NLN: variants seen among roughly 807,000 people sequenced by gnomAD.
NLN encodes the protein neurolysin, mitochondrial.
In NLN, 64 loss-of-function variants were observed where a neutral mutation model predicts 79.9. The ratio of observed to expected loss-of-function variants is 0.80; its 90% confidence interval spans 0.65 to 0.99. NLN has a LOEUF of 0.99. NLN is among the 50% of genes least tolerant of loss of function. The probability of loss-of-function intolerance (pLI) is 0.00; values close to 1 mark genes in which losing one functional copy is unlikely to be tolerated. For synonymous variants in NLN, 267 were observed against 296.6 expected (o/e 0.90, Z 1.02); for missense variants, 835 against 858.7 (o/e 0.97, Z 0.34).
At chr5:65,781,063 C>T (rs1017442438) in intron 5 of NLN, among the ~76,000 whole-genome samples, 198 bp from the exon 6 acceptor site, 2 of 152,126 alleles carry the variant, frequency 1.3e-5, no homozygotes, top group East Asian at 1.9e-4. Context: ...TTTGAATTGC[C>T]GTCTCCCAAG....
rs1759763557 is a variant in NLN at position 65,780,039 on chromosome 5, T to C, written c.559-140T>C. 6 of 528,238 alleles carry C rather than the reference T, an allele frequency of 1.1e-5. No homozygotes were observed. In the Admixed American group the frequency reaches 2.5e-4, roughly 22 times the overall value. 32.7% of individuals were successfully genotyped at this position (528,238 alleles called of 1,614,324 possible). ...CTGGCTTTCACCATGTTAGCCAGGC[T>C]GGTCTTGGACTCTTGACCTCAAATG... is the stretch of plus-strand genomic sequence containing the variant. On this transcript the variant is annotated intron_variant, in intron 4 of 12. Transcript: ENST00000380985.
rs181705086 is a variant in NLN at position 65,733,131 on chromosome 5, T to A, written c.41+10717T>A. On this transcript the variant is annotated intron_variant, in intron 1 of 12. Coordinates refer to ENST00000380985, the MANE Select transcript of NLN (RefSeq NM_020726.5). ...GAACCTCTTGGGGGCCTTTATATTC[T>A]GTCATGCTTACCTAGCTGATCGGGA... The A allele has an allele frequency of 2.1e-3, 2,995 of 1,448,788 alleles. 103 individuals carry two copies. The African/African-American group carries it at 0.045, about 22-fold the overall frequency. The allele number at this position is 1,448,788 out of a possible 1,614,324, so 89.7% of individuals were successfully genotyped here.
chr5:65,762,718 T>C (rs1474238171), intron 2 of NLN, among the ~76,000 whole-genome samples: 2 of 151,538 alleles, frequency 1.3e-5, no homozygotes, highest in Non-Finnish European at 2.9e-5. Flanking sequence ...AAAAAAAAAT[T>C]GTACCCCAGT....
intron 3 of NLN, among the ~76,000 whole-genome samples, chr5:65,776,035 T>C (rs1348808543): frequency 6.6e-6 from 1 of 152,190 alleles, no homozygotes; most frequent in East Asian, 1.9e-4. Flanking sequence ...GGTGGATCAC[T>C]TGAGGCCAGG....
rs377525738 is a variant in NLN at position 65,788,106 on chromosome 5, T to A, written c.959-12T>A. On this transcript the variant is annotated splice_polypyrimidine_tract_variant and intron_variant, in intron 7 of 12. Coordinates refer to ENST00000380985, the MANE Select transcript of NLN (RefSeq NM_020726.5). ...AAGCAAGTAGATCACTAACTTTTCC[T>A]TTTCCTTACAGATGATTTAAGCCAG... 3.2e-5 allele frequency: 52 copies of A among 1,603,994 alleles called. No individual in the cohort carries two copies. Among genetic ancestry groups the A allele is most frequent in the Non-Finnish European group, 4.2e-5 (49 of 1,176,264 alleles).
At chr5:65,777,619 T>C in intron 4 of NLN, 85 bp downstream of exon 4, 1 of 852,844 alleles carries the variant, frequency 1.2e-6, no homozygotes, top group East Asian at 2.7e-5. Context: ...AATCCAGAAA[T>C]CCAAAATGCT....
chr5:65,810,064 T>A lies in NLN; in HGVS notation c.1742T>A (p.Leu581Ter). ...CTTCTGACCCTGCGCCAGATTGTTTTGAGCAAAGTTGATCAGTCTCTTCAT... is the reference window on the plus strand; with the variant it reads ...CTTCTGACCCTGCGCCAGATTGTTTAGAGCAAAGTTGATCAGTCTCTTCAT... ...TGLLTLRQIV[L>*]SKVDQSLHTN... The change falls in exon 11 of 13, where the codon TTG (leucine) becomes TAG (stop). Residue 581 changes from leucine (L) to a stop codon, truncating the protein, a stop_gained. Coordinates refer to ENST00000380985, the MANE Select transcript of NLN (RefSeq NM_020726.5). LOFTEE classifies it high-confidence loss of function. The A allele has an allele frequency of 1.2e-6, 2 of 1,614,156 alleles. No homozygotes were observed. The highest frequency in any genetic ancestry group is 1.7e-6 in the Non-Finnish European group (2 of 1,180,012).
intron 3 of NLN, among the ~76,000 whole-genome samples, chr5:65,767,921 G>A (rs1482391984): frequency 6.6e-6 from 1 of 152,226 alleles, no homozygotes; most frequent in Admixed American, 6.5e-5. Context: ...AGCATAGCAT[G>A]GGTGACCTTT....
At chr5:65,743,839 G>A (rs544210787) in intron 1 of NLN, among the ~76,000 whole-genome samples, 45 of 152,176 alleles carry the variant, frequency 3.0e-4, no homozygotes, top group African/African-American at 1.1e-3. Flanking sequence ...ACACAAATCT[G>A]GTCTAACCTA....
chr5:65,818,245 A>T (rs1760714127), intron 12 of NLN, among the ~76,000 whole-genome samples: 1 of 152,182 alleles, frequency 6.6e-6, no homozygotes, highest in South Asian at 2.1e-4. Flanking sequence ...TCCCTGATAG[A>T]TCATAAGACT....
chr5:65,815,765 G>A (rs1179888412), intron 12 of NLN, among the ~76,000 whole-genome samples: 1 of 151,758 alleles, frequency 6.6e-6, no homozygotes, highest in South Asian at 2.1e-4. Context: ...TGTTGGTGGC[G>A]GCGGGGGATG....
chr5:65,779,402 G>T (rs1405706852), intron 4 of NLN, among the ~76,000 whole-genome samples: 3 of 149,684 alleles, frequency 2.0e-5, no homozygotes, highest in Non-Finnish European at 4.4e-5. Context: ...TGCTTCATTT[G>T]ATCTCCCACC....
At chr5:65,727,535 A>G (rs1021889150) in intron 1 of NLN, among the ~76,000 whole-genome samples, 2 of 151,998 alleles carry the variant, frequency 1.3e-5, no homozygotes, top group African/African-American at 2.4e-5. Context: ...TAAAAAAAAA[A>G]CAAAAAGCAA....
chr5:65,757,790 A>C (rs1027613507), intron 1 of NLN, among the ~76,000 whole-genome samples: 1 of 152,128 alleles, frequency 6.6e-6, no homozygotes, highest in Non-Finnish European at 1.5e-5. Flanking sequence ...TCAAATTGTC[A>C]TTCTTAATTT....
intron 3 of NLN, among the ~76,000 whole-genome samples, chr5:65,776,461 G>C (rs1038623708): frequency 6.6e-6 from 1 of 152,172 alleles, no homozygotes; most frequent in African/African-American, 2.4e-5. Context: ...TGGGAAATTA[G>C]GGATGCTCAG....
rs1203107615 is a variant in NLN at position 65,752,401 on chromosome 5, T to C, written c.42-6166T>C. 2.6e-5 allele frequency among the ~76,000 whole-genome samples: 4 copies of C among 152,188 alleles called. No homozygotes were observed. In the East Asian group the frequency reaches 7.7e-4, roughly 29 times the overall value. ...TAGACAACTGGAATCTCAGATTTGA[T>C]CTACTTTTTCATTTTCAAATTATTA... On this transcript the variant is annotated intron_variant, in intron 1 of 12. Transcript: ENST00000380985.
At chr5:65,796,658 G>A (rs372007105) in intron 9 of NLN, among the ~76,000 whole-genome samples, 3 of 152,120 alleles carry the variant, frequency 2.0e-5, no homozygotes, top group South Asian at 4.1e-4. Flanking sequence ...GAACTTTTAA[G>A]GTCATCACAA....
At chr5:65,789,242 TTTACTAGGTAGG>T (rs1296386985) in intron 8 of NLN, among the ~76,000 whole-genome samples, 1 of 152,236 alleles carries the variant, frequency 6.6e-6, no homozygotes, top group Admixed American at 6.5e-5. Flanking sequence ...GGCATCATCA[TTTACTAGGTAGG>T]TTACTTAATT....
chr5:65,800,915 A>C (rs1400835248), intron 9 of NLN, among the ~76,000 whole-genome samples: 2 of 150,904 alleles, frequency 1.3e-5, no homozygotes, highest in Middle Eastern at 3.2e-3. Context: ...CTGATCTTGA[A>C]CTCCTGAGCT....
Sources: allele counts gnomAD v4.1 joint callset (sites outside exome capture counted in the v4.1 genomes callset), GRCh38; gene constraint gnomAD v4.1.1; transcripts MANE v1.5; gene names NCBI Gene and HGNC (gene_info 2026-07-23, HGNC 2026-07-21).